NFATC2: variants seen among roughly 807,000 people sequenced by gnomAD.
NFATC2 encodes nuclear factor of activated T cells 2, also known as nuclear factor of activated T-cells, cytoplasmic 2.
NFATC2 carries 22 observed loss-of-function variants against 87.3 expected under a neutral mutation model. That is an observed-to-expected ratio of 0.25 (90% confidence interval 0.18 to 0.36). The LOEUF is 0.36. NFATC2 is among the 10% of genes least tolerant of loss of function. The pLI, the probability that NFATC2 is intolerant of heterozygous loss-of-function variation, is 1.00. For synonymous variants in NFATC2, 565 were observed against 542.2 expected (o/e 1.04, Z -0.58); for missense variants, 1,149 against 1,259.1 (o/e 0.91, Z 1.32).
At chr20:51,500,561 G>A (rs1212861905) in intron 3 of NFATC2, among the ~76,000 whole-genome samples, 1 of 151,244 alleles carries the variant, frequency 6.6e-6, no homozygotes. Context: ...ACAGCTCAGT[G>A]AGAAGTATGT....
intron 1 of NFATC2, among the ~76,000 whole-genome samples, chr20:51,535,877 CT>C (rs1305752829): frequency 6.6e-6 from 1 of 152,146 alleles, no homozygotes; most frequent in Non-Finnish European, 1.5e-5. Flanking sequence ...AAGAAATGCT[CT>C]TTTTCCAAAA....
At chr20:51,426,132 C>A (rs1981799408) in intron 9 of NFATC2, among the ~76,000 whole-genome samples, 1 of 151,886 alleles carries the variant, frequency 6.6e-6, no homozygotes. Context: ...TTCTCCTACA[C>A]AAATAGATTT....
intron 3 of NFATC2, among the ~76,000 whole-genome samples, chr20:51,492,024 C>T (rs2075899527): frequency 6.6e-6 from 1 of 151,880 alleles, no homozygotes; most frequent in Non-Finnish European, 1.5e-5. Flanking sequence ...GCCATGAACA[C>T]CCCTTGTTCA....
intron 9 of NFATC2, among the ~76,000 whole-genome samples, chr20:51,410,625 A>C (rs998898903): frequency 6.6e-6 from 1 of 152,006 alleles, no homozygotes. Flanking sequence ...AGAGGGAAGG[A>C]AGGCAGTGGG....
chr20:51,413,904 C>T (rs577524236), intron 9 of NFATC2, among the ~76,000 whole-genome samples: 2 of 152,340 alleles, frequency 1.3e-5, no homozygotes, highest in South Asian at 4.1e-4. Context: ...CTGCGGCTGC[C>T]ATGAGGGTTA....
chr20:51,488,601 CAG>C (rs1257280159), intron 3 of NFATC2, among the ~76,000 whole-genome samples: 1 of 143,270 alleles, frequency 7.0e-6, no homozygotes, highest in Non-Finnish European at 1.5e-5. Context: ...GGAGGGGAAA[CAG>C]AAAATCTGCA....
At chr20:51,497,230 G>GTC (rs2076003705) in intron 3 of NFATC2, among the ~76,000 whole-genome samples, 1 of 152,230 alleles carries the variant, frequency 6.6e-6, no homozygotes, top group Admixed American at 6.5e-5. Context: ...GCAGCAATGT[G>GTC]TCTGCCTCAC....
chr20:51,449,544 C>T (rs956762753), intron 6 of NFATC2, among the ~76,000 whole-genome samples: 4 of 152,164 alleles, frequency 2.6e-5, no homozygotes, highest in Non-Finnish European at 5.9e-5. Flanking sequence ...CTGCTCAGAG[C>T]GGTGCAGTGG....
chr20:51,552,836 G>A (rs2076945480), intron 1 of NFATC2, among the ~76,000 whole-genome samples: 2 of 151,748 alleles, frequency 1.3e-5, no homozygotes, highest in African/African-American at 4.8e-5. Flanking sequence ...TTAAGTTCTG[G>A]GATACATGTG....
chr20:51,466,909 T>TA (rs567084097), intron 5 of NFATC2, among the ~76,000 whole-genome samples: 39 of 151,652 alleles, frequency 2.6e-4, no homozygotes, highest in African/African-American at 9.0e-4. Flanking sequence ...CCATCTCTAC[T>TA]AAAAATACAA....
rs878668 is a variant in NFATC2, at chr20:51,404,436, C to T, written c.2723-5706G>A. 1.4e-3 allele frequency among the ~76,000 whole-genome samples: 215 copies of T among 152,362 alleles called. 1 individual carries two copies. The highest frequency in any genetic ancestry group is 3.4e-3 in the African/African-American group (140 of 41,584). ...ACATGCAAGGCACATCATAAGAACT[C>T]TGTACCACATTACTTGTTTTGGGAA... On this transcript the variant is annotated intron_variant, in intron 9 of 10. Transcript: ENST00000371564.
intron 6 of NFATC2, among the ~76,000 whole-genome samples, chr20:51,442,534 T>C (rs532129124): frequency 6.6e-6 from 1 of 152,304 alleles, no homozygotes; most frequent in Admixed American, 6.5e-5. Flanking sequence ...TATTCTTAAG[T>C]CTGCTTAAAC....
At chr20:51,542,763 GCGTGGA>G (rs1568751208), upstream of NFATC2, 31 of 206,042 alleles carry the variant, frequency 1.5e-4, no homozygotes, top group African/African-American at 3.7e-4. Context: ...GGGGGGGGGG[GCGTGGA>G]GGCGGGGACA....
Position 51,542,434 on chromosome 20 carries a change from G to GC in NFATC2, c.65dup (p.Ser23GlnfsTer7). The GC allele has an allele frequency of 6.2e-7, 1 of 1,600,194 alleles. No homozygotes were observed. Among genetic ancestry groups the GC allele is most frequent in the Non-Finnish European group, 8.5e-7 (1 of 1,173,966 alleles). On this transcript the variant is annotated frameshift_variant, in exon 1 of 11. Coordinates refer to ENST00000371564, the MANE Select transcript of NFATC2 (RefSeq NM_012340.5). LOFTEE classifies it high-confidence loss of function. ...AGAAGTCAAGCTCGTCTTGGGGGCTGCCCCCAGGCTCGTGGCCTGGGGCGT... is the reference window on the plus strand; with the variant it reads ...AGAAGTCAAGCTCGTCTTGGGGGCTGCCCCCCAGGCTCGTGGCCTGGGGCGT...
At chr20:51,542,241 G>T (rs1681628592) in intron 1 of NFATC2, 129 bp downstream of exon 1, 1 of 1,212,340 alleles carries the variant, frequency 8.2e-7, no homozygotes, top group Middle Eastern at 2.4e-4. Flanking sequence ...TGGCACCTGG[G>T]TAGGGGCACC....
intron 9 of NFATC2, among the ~76,000 whole-genome samples, chr20:51,401,237 G>C (rs1239793338): frequency 6.6e-6 from 1 of 152,088 alleles, no homozygotes; most frequent in Non-Finnish European, 1.5e-5. Flanking sequence ...GGGTGTGACG[G>C]CAGGTGCCTG....
rs556384921 is a variant in NFATC2 at position 51,553,705 on chromosome 20, G to A, written c.70+8855C>T. 1.6e-3 allele frequency among the ~76,000 whole-genome samples: 243 copies of A among 150,630 alleles called. 2 individuals carry two copies. The highest frequency in any genetic ancestry group is 5.5e-3 in the African/African-American group (228 of 41,094). ...AAAAAAAAAAAAAAGAGGGAGGGCA[G>A]GCTCAGTAAACCTGCCTCCCCCTTA... On this transcript the variant is annotated intron_variant, in intron 1 of 10. Coordinates refer to the NFATC2 transcript ENST00000414705.
At chr20:51,425,562 C>A (rs988327667) in intron 9 of NFATC2, among the ~76,000 whole-genome samples, 6 of 152,244 alleles carry the variant, frequency 3.9e-5, no homozygotes, top group African/African-American at 1.4e-4. Context: ...GCCGGGCTCA[C>A]GGCAGGGCTC....
At chr20:51,417,303 G>A (rs748116482) in intron 9 of NFATC2, among the ~76,000 whole-genome samples, 2 of 152,132 alleles carry the variant, frequency 1.3e-5, no homozygotes, top group South Asian at 2.1e-4. Context: ...CCACCTGCCA[G>A]TAGCTTCCCC....
Sources: allele counts gnomAD v4.1 joint callset (sites outside exome capture counted in the v4.1 genomes callset), GRCh38; gene constraint gnomAD v4.1.1; transcripts MANE v1.5; gene names NCBI Gene and HGNC (gene_info 2026-07-23, HGNC 2026-07-21).